The following GSG1L variants were observed in gnomAD, a reference collection of about 807,000 sequenced individuals.
GSG1L encodes germ cell-specific gene 1-like protein.
A neutral mutation model predicts 42.1 loss-of-function variants in GSG1L; 24 were observed. The observed-to-expected ratio is 0.57, with a 90% CI of 0.41 to 0.80. The LOEUF (loss-of-function observed/expected upper bound fraction) is 0.80, where lower values mean the gene tolerates loss of function less well. Among genes scored for constraint, GSG1L ranks in the 30% least tolerant of loss-of-function variants. GSG1L has a pLI of 0.00. For synonymous variants in GSG1L, 215 were observed against 203.5 expected, an observed-to-expected ratio of 1.06 and a Z score of -0.48; for missense variants, 445 against 472.2, an observed-to-expected ratio of 0.94 and a Z score of 0.53.
At chr16:27,806,284 G>T (rs2082961800) in intron 6 of GSG1L, among the ~76,000 whole-genome samples, 1 of 152,076 alleles carries the variant, frequency 6.6e-6, no homozygotes, top group Non-Finnish European at 1.5e-5. Flanking sequence ...CTCCAACAAG[G>T]CCTCCTCCCA....
At position 27,927,924 on chromosome 16, in the gene GSG1L, A is replaced by T. The variant is rs537071243; in HGVS notation, c.397+35232T>A. Among the ~76,000 whole-genome samples the T allele has an allele frequency of 7.7e-4, 117 of 151,802 alleles. 1 individual carries two copies. Among genetic ancestry groups the T allele is most frequent in the Non-Finnish European group, 1.1e-3 (78 of 67,960 alleles). Reference sequence around the variant, plus strand: ...GGCCTGGACATCAGCATTTCCTAAAATCTCCCCAGGTGGTTCCAATGTGTG... The same window carrying T: ...GGCCTGGACATCAGCATTTCCTAAATTCTCCCCAGGTGGTTCCAATGTGTG... On this transcript the variant is annotated intron_variant, in intron 2 of 6. Transcript: ENST00000447459.
intron 2 of GSG1L, among the ~76,000 whole-genome samples, chr16:27,947,490 AAAG>A (rs891382492): frequency 1.3e-5 from 2 of 151,518 alleles, no homozygotes; most frequent in Non-Finnish European, 2.9e-5. Context: ...AGGAAGAAAG[AAAG>A]AAAGAGAAAG....
chr16:27,997,309 C>CG (rs2085526559), intron 1 of GSG1L, among the ~76,000 whole-genome samples: 2 of 70,594 alleles, frequency 2.8e-5, no homozygotes, highest in African/African-American at 4.6e-5. Context: ...GTGTTCTCCA[C>CG]TTTTTTTTTT....
At chr16:27,858,968 G>A (rs1003571152) in intron 3 of GSG1L, among the ~76,000 whole-genome samples, 6 of 152,196 alleles carry the variant, frequency 3.9e-5, no homozygotes, top group African/African-American at 7.2e-5. Context: ...AGGTTCTGGA[G>A]GGAGAGAGCC....
intron 5 of GSG1L, among the ~76,000 whole-genome samples, chr16:27,810,491 A>G (rs1039701883): frequency 6.6e-6 from 1 of 152,108 alleles, no homozygotes; most frequent in Non-Finnish European, 1.5e-5. Flanking sequence ...AAGATCAGGC[A>G]TTGAATAACA....
intron 2 of GSG1L, among the ~76,000 whole-genome samples, chr16:27,905,134 A>G (rs751798911): frequency 1.3e-5 from 2 of 152,110 alleles, no homozygotes; most frequent in Non-Finnish European, 2.9e-5. Flanking sequence ...ATCCCACTGC[A>G]TTTTTTTGTG....
chr16:27,901,312 T>C (rs2084254523), intron 2 of GSG1L, among the ~76,000 whole-genome samples: 1 of 152,184 alleles, frequency 6.6e-6, no homozygotes, highest in African/African-American at 2.4e-5. Context: ...TGATTTCGAT[T>C]GGTGTCAAAG....
intron 6 of GSG1L, among the ~76,000 whole-genome samples, chr16:27,803,800 G>T (rs1709776): frequency 0.024 from 1,791 of 73,574 alleles, 47 homozygotes; most frequent in South Asian, 0.059. Flanking sequence ...TATATAGATA[G>T]ATAGATATAG....
At chr16:27,802,560 C>G (rs1263479501) in intron 6 of GSG1L, among the ~76,000 whole-genome samples, 1 of 152,108 alleles carries the variant, frequency 6.6e-6, no homozygotes, top group African/African-American at 2.4e-5. Context: ...TTTGGAAAGT[C>G]TCTGGGGGCG....
At chr16:27,976,966 G>A (rs1395323037) in intron 1 of GSG1L, among the ~76,000 whole-genome samples, 10 of 152,168 alleles carry the variant, frequency 6.6e-5, no homozygotes, top group Non-Finnish European at 1.5e-4. Context: ...TACCCTGAGC[G>A]TGGCTTGGCC....
At chr16:27,949,542 C>G (rs934049904) in intron 2 of GSG1L, among the ~76,000 whole-genome samples, 1 of 152,078 alleles carries the variant, frequency 6.6e-6, no homozygotes, top group African/African-American at 2.4e-5. Flanking sequence ...ATTGCTTGGG[C>G]CCAGAAGTTC....
intron 1 of GSG1L, among the ~76,000 whole-genome samples, chr16:28,034,850 C>T (rs1281930810): frequency 6.6e-6 from 1 of 152,156 alleles, no homozygotes; most frequent in African/African-American, 2.4e-5. Context: ...GACAAATGTC[C>T]CTGGGGTGGA....
intron 6 of GSG1L, among the ~76,000 whole-genome samples, chr16:27,803,788 T>TATATATATATATATATATATATATAG (rs1567460391): frequency 4.7e-5 from 3 of 63,624 alleles, no homozygotes; most frequent in African/African-American, 1.8e-4. Flanking sequence ...TATATATATA[T>TATATATATATATATATATATATATAG]ATATATAGAT....
intron 5 of GSG1L, 65 bp from the exon 6 acceptor site, chr16:27,807,619 C>T (rs2082982209): frequency 6.4e-6 from 9 of 1,403,102 alleles, no homozygotes; most frequent in South Asian, 1.2e-5. Flanking sequence ...TGGGCAGAGA[C>T]CCAAAACCTG....
intron 5 of GSG1L, among the ~76,000 whole-genome samples, chr16:27,819,249 A>T (rs368946395): frequency 7.8e-5 from 4 of 51,016 alleles, no homozygotes; most frequent in African/African-American, 3.0e-4. Flanking sequence ...ACTCTGTCTT[A>T]AAAAAAAAAA....
chr16:27,951,796 T>A (rs1272967784), intron 2 of GSG1L, among the ~76,000 whole-genome samples: 1 of 151,950 alleles, frequency 6.6e-6, no homozygotes, highest in Non-Finnish European at 1.5e-5. Context: ...CTAAATAAAT[T>A]AAGTGAGCAG....
At chr16:27,903,746 G>A (rs2141044903) in intron 2 of GSG1L, among the ~76,000 whole-genome samples, 2 of 152,242 alleles carry the variant, frequency 1.3e-5, no homozygotes, top group South Asian at 4.1e-4. Flanking sequence ...ACAGAGTGCA[G>A]TATCCTGGCA....
intron 2 of GSG1L, among the ~76,000 whole-genome samples, chr16:27,913,855 C>T (rs1199818267): frequency 3.3e-5 from 5 of 152,124 alleles, no homozygotes; most frequent in Non-Finnish European, 7.4e-5. Context: ...TTTTTTTCTA[C>T]GTATTTTCTA....
intron 5 of GSG1L, among the ~76,000 whole-genome samples, chr16:27,809,363 A>G (rs573797937): frequency 2.6e-5 from 4 of 152,134 alleles, no homozygotes; most frequent in African/African-American, 9.6e-5. Flanking sequence ...TGATTATACC[A>G]CTGCACTCCA....
Sources: allele counts gnomAD v4.1 joint callset (sites outside exome capture counted in the v4.1 genomes callset), GRCh38; gene constraint gnomAD v4.1.1; transcripts MANE v1.5; gene names NCBI Gene and HGNC (gene_info 2026-07-23, HGNC 2026-07-21).